The following PYHIN1 variants were observed in gnomAD, a reference collection of about 807,000 sequenced individuals.
The protein encoded by PYHIN1 is pyrin and HIN domain-containing protein 1.
In PYHIN1, 32 loss-of-function variants were observed where a neutral mutation model predicts 43.7. The ratio of observed to expected loss-of-function variants is 0.73; its 90% CI spans 0.55 to 0.98. The LOEUF (loss-of-function observed/expected upper bound fraction) is 0.98, where lower values mean the gene tolerates loss of function less well. Among genes scored for constraint, PYHIN1 ranks in the 50% least tolerant of loss-of-function variants. PYHIN1 has a pLI of 0.00. For missense variants in PYHIN1, 588 were observed against 589.5 expected (o/e 1.00, Z 0.03); for synonymous variants, 205 against 203.1 (o/e 1.01, Z -0.08).
the PYHIN1 span, among the ~76,000 whole-genome samples, chr1:158,989,018 A>G: frequency 6.6e-6 from 1 of 151,936 alleles, no homozygotes; most frequent in Non-Finnish European, 1.5e-5. Flanking sequence ...ATCTCATATA[A>G]TTTTCTCCAC....
rs1010335372 is a variant in PYHIN1, at chr1:158,939,210, C to A, written c.542C>A (p.Thr181Asn). 5 of 1,610,084 alleles carry A rather than the reference C, an allele frequency of 3.1e-6. No individual in the cohort carries two copies. The highest frequency in any genetic ancestry group is 2.7e-5 in the African/African-American group (2 of 74,706). Reference sequence around the variant, plus strand: ...ATGGGCCGTTCCCCACCTCCCCAGACCTCATCATCAGCTCCACCCAACACT... The same window carrying A: ...ATGGGCCGTTCCCCACCTCCCCAGAACTCATCATCAGCTCCACCCAACACT... ...TAMGRSPPPQ[T>N]SSSAPPNTSS... The change falls in exon 4 of 9, where the codon ACC becomes AAC. Residue 181 changes from threonine to asparagine, a missense_variant. By Grantham distance (65) the Thr-to-Asn change is moderately conservative. Coordinates refer to ENST00000368140, the MANE Select transcript of PYHIN1 (RefSeq NM_152501.5).
chr1:158,989,722 A>G, the PYHIN1 span, among the ~76,000 whole-genome samples: 1 of 152,188 alleles, frequency 6.6e-6, no homozygotes, highest in East Asian at 1.9e-4. Flanking sequence ...CTCAGGCTTA[A>G]TTCCTCCAGA....
chr1:158,979,296 C>T (rs1443598835), downstream of PYHIN1, among the ~76,000 whole-genome samples: 1 of 152,182 alleles, frequency 6.6e-6, no homozygotes, highest in Non-Finnish European at 1.5e-5. Flanking sequence ...CGAATAGCAG[C>T]TTCCATTTCC....
Position 158,942,097 on chromosome 1 carries a change from G to A in PYHIN1, c.700G>A (p.Glu234Lys). ...ATTTAAATATGAATCCTCAGAAAAT[G>A]AGCAAAGAAGAATGTTTCATGCTAC... Reference protein sequence around the residue: ...KVFKYESSENEQRRMFHATVA... With the variant: ...KVFKYESSENKQRRMFHATVA... The change falls in exon 5 of 9, where the codon GAG (glutamate) becomes AAG (lysine). Residue 234 changes from glutamate to lysine, a missense_variant. Glu to Lys is a moderately conservative substitution (Grantham distance 56). Coordinates refer to ENST00000368140, the MANE Select transcript of PYHIN1 (RefSeq NM_152501.5). The A allele has an allele frequency of 2.5e-6, 4 of 1,614,068 alleles. No homozygotes were observed. The highest frequency in any genetic ancestry group is 1.3e-5 in the African/African-American group (1 of 75,034).
intron 4 of PYHIN1, 153 bp downstream of exon 4, chr1:158,939,400 C>G (rs1648768844): frequency 6.4e-7 from 1 of 1,570,566 alleles, no homozygotes. Context: ...TTTGCTTCCA[C>G]AGGCATATTT....
rs1206085560 is a variant in PYHIN1 at position 158,933,932 on chromosome 1, C to T, written c.-21+2156C>T. 6.6e-6 allele frequency among the ~76,000 whole-genome samples: 1 copy of T among 151,986 alleles called. No homozygotes were observed. The highest frequency in any genetic ancestry group is 1.9e-4 in the East Asian group (1 of 5,196). ...TTAATTTTCTATTGAAAAGTACTTCCAAAAATGTTTCTGTGTGCATCTTTG... is the reference window on the plus strand; with the variant it reads ...TTAATTTTCTATTGAAAAGTACTTCTAAAAATGTTTCTGTGTGCATCTTTG... On this transcript the variant is annotated intron_variant, in intron 1 of 8. Coordinates refer to ENST00000368140, the MANE Select transcript of PYHIN1 (RefSeq NM_152501.5). The surrounding 1 kb of genome is among the most constrained non-coding windows in gnomAD (Gnocchi z 6.3).
chr1:158,973,686 A>G lies in PYHIN1; in HGVS notation c.1399A>G (p.Asn467Asp), dbSNP rs1651077727. 1 of 1,613,156 alleles carries G rather than the reference A, an allele frequency of 6.2e-7. No individual in the cohort carries two copies. The highest frequency in any genetic ancestry group is 1.3e-5 in the African/African-American group (1 of 74,964). Residue 467 changes from asparagine (N) to aspartate (D), a missense_variant, in exon 8 of 9, where the codon AAC (asparagine) becomes GAC (aspartate). Asn to Asp is a conservative substitution (Grantham distance 23). Coordinates refer to ENST00000368140, the MANE Select transcript of PYHIN1 (RefSeq NM_152501.5). Reference sequence around the variant, plus strand: ...CCCAGGAGCACAGTCATCGCCTGCAAACTTTAGAATCACCTCACCAACTGT... The same window carrying G: ...CCCAGGAGCACAGTCATCGCCTGCAGACTTTAGAATCACCTCACCAACTGT... Reference protein sequence around the residue: ...THPGAQSSPANFRITSPTVAP... With the variant: ...THPGAQSSPADFRITSPTVAP...
At chr1:158,980,388 C>T (rs183568927), downstream of PYHIN1, among the ~76,000 whole-genome samples, 73 of 152,132 alleles carry the variant, frequency 4.8e-4, no homozygotes, top group African/African-American at 1.3e-3. Context: ...TGACTGCCTG[C>T]GGGTTTGGGC....
At chr1:158,935,672 A>G (rs969539089) in intron 1 of PYHIN1, among the ~76,000 whole-genome samples, 2 of 152,328 alleles carry the variant, frequency 1.3e-5, no homozygotes, top group African/African-American at 4.8e-5. Context: ...GCGCCCCAGC[A>G]TGAAACTGTA....
At chr1:158,941,833 C>T (rs537783757) in intron 4 of PYHIN1, 144 bp from the exon 5 acceptor site, 5 of 646,462 alleles carry the variant, frequency 7.7e-6, no homozygotes, top group African/African-American at 5.5e-5. Flanking sequence ...TTCAGAATAT[C>T]CTCTCCTTCC....
At chr1:158,977,786 G>C (rs1161212670), downstream of PYHIN1, among the ~76,000 whole-genome samples, 1 of 152,130 alleles carries the variant, frequency 6.6e-6, no homozygotes, top group East Asian at 1.9e-4. Context: ...CTTTCGAAGT[G>C]ACACTTAGGT....
rs954650273 is a variant in PYHIN1 at position 158,965,326 on chromosome 1, G to A, written c.1360-8321G>A. Among the ~76,000 whole-genome samples, 15 of 151,906 alleles carry A rather than the reference G, an allele frequency of 9.9e-5. 1 individual carries two copies. Among genetic ancestry groups the A allele is most frequent in the Admixed American group, 9.2e-4 (14 of 15,234 alleles). The stretch of plus-strand genomic sequence containing the variant: ...AATACCACACTGGCAGTATTAGATC[G>A]ATCATTCAGGCAAACAAAAAAAAAT... On this transcript the variant is annotated intron_variant, in intron 7 of 8. Transcript: ENST00000368140.
At chr1:158,951,265 G>A (rs923906516) in intron 7 of PYHIN1, among the ~76,000 whole-genome samples, 7 of 152,244 alleles carry the variant, frequency 4.6e-5, no homozygotes, top group African/African-American at 1.7e-4. Context: ...ATGTCTGCTT[G>A]TTCATTGCCA....
At chr1:158,962,410 C>T (rs978314456) in intron 7 of PYHIN1, among the ~76,000 whole-genome samples, 1 of 152,128 alleles carries the variant, frequency 6.6e-6, no homozygotes, top group African/African-American at 2.4e-5. Context: ...GGGCGGATCC[C>T]CAACACACTG....
intron 1 of PYHIN1, among the ~76,000 whole-genome samples, chr1:158,934,111 G>C (rs80328454): frequency 6.6e-6 from 1 of 151,968 alleles, no homozygotes; most frequent in African/African-American, 2.4e-5. Flanking sequence ...GGGGGGCTCG[G>C]TATGTTTTGA....
At chr1:158,962,750 A>T (rs1382923521) in intron 7 of PYHIN1, among the ~76,000 whole-genome samples, 1 of 152,164 alleles carries the variant, frequency 6.6e-6, no homozygotes, top group Non-Finnish European at 1.5e-5. Context: ...ATGAGCTCCC[A>T]GCCCTACTCT....
Position 158,959,399 on chromosome 1 carries a change from G to C in PYHIN1, c.1360-14248G>C, listed in dbSNP as rs149225602. On this transcript the variant is annotated intron_variant, in intron 7 of 8. Coordinates refer to ENST00000368140, the MANE Select transcript of PYHIN1 (RefSeq NM_152501.5). ...ATTTGGTTGCCGACCGGACCCTTTA[G>C]AGAGCAATTATGCACCCGCGGTTGA... 1.5e-4 allele frequency among the ~76,000 whole-genome samples: 23 copies of C among 152,272 alleles called. No homozygotes were observed. The East Asian group carries it at 4.0e-3, about 27-fold the overall frequency.
intron 7 of PYHIN1, among the ~76,000 whole-genome samples, chr1:158,947,559 G>T (rs550731210): frequency 6.6e-6 from 1 of 152,260 alleles, no homozygotes; most frequent in South Asian, 2.1e-4. Flanking sequence ...GGTACCTGTG[G>T]GGGTTTGTCC....
At chr1:158,944,088 T>C in intron 6 of PYHIN1, 110 bp downstream of exon 6, 2 of 789,890 alleles carry the variant, frequency 2.5e-6, no homozygotes, top group Non-Finnish European at 3.8e-6. Flanking sequence ...GCAGAGTTCA[T>C]GAGAAACCAA....
Sources: gnomAD v4.1 joint callset for allele counts (sites outside exome capture counted in the v4.1 genomes callset) on GRCh38, gnomAD v4.1.1 for gene constraint, Gnocchi (gnomAD v3.1) non-coding constraint, MANE v1.5 for transcripts, NCBI Gene and HGNC (gene_info 2026-07-23, HGNC 2026-07-21) for gene names.